OCA2: variants seen among roughly 807,000 people sequenced by gnomAD.
OCA2 encodes the protein P protein.
A neutral mutation model predicts 100.2 loss-of-function variants in OCA2; 77 were observed. The ratio of observed to expected loss-of-function variants is 0.77; its 90% CI spans 0.64 to 0.93. OCA2 has a LOEUF of 0.93. Among genes scored for constraint, OCA2 ranks in the 40% least tolerant of loss-of-function variants. OCA2 has a pLI of 0.00. For synonymous variants in OCA2, 432 were observed against 439.2 expected (o/e 0.98, Z 0.21); for missense variants, 1,062 against 1,089.1 (o/e 0.98, Z 0.35).
chr15:28,081,883 G>A lies in OCA2; in HGVS notation c.-9C>T. 1.9e-6 allele frequency: 3 copies of A among 1,607,784 alleles called. No individual in the cohort carries two copies. The highest frequency in any genetic ancestry group is 2.5e-6 in the Non-Finnish European group (3 of 1,178,420). ...CTGCCCTCCAGATGCATGCTCCACT[G>A]CCAGTCTTCTCTCTAGGGCAGCCAG... On this transcript the variant is annotated 5_prime_UTR_variant, in exon 2 of 24. Coordinates refer to ENST00000354638, the MANE Select transcript of OCA2 (RefSeq NM_000275.3).
the OCA2 span, among the ~76,000 whole-genome samples, chr15:27,720,269 G>A: frequency 6.6e-6 from 1 of 152,008 alleles, no homozygotes; most frequent in South Asian, 2.1e-4. Flanking sequence ...CCATTCATTA[G>A]AATACTACTT....
At chr15:28,098,909 G>C (rs982727586) in intron 1 of OCA2, among the ~76,000 whole-genome samples, 4 of 152,194 alleles carry the variant, frequency 2.6e-5, no homozygotes, top group African/African-American at 9.7e-5. Context: ...AGTTCAAGTG[G>C]AACATTTGCT....
intron 23 of OCA2, among the ~76,000 whole-genome samples, chr15:27,756,718 A>G (rs989224407): frequency 1.3e-5 from 2 of 152,216 alleles, no homozygotes; most frequent in African/African-American, 4.8e-5. Context: ...CAGATTGTGT[A>G]GAGTGAGTCA....
At chr15:27,871,980 T>A (rs2151500914) in intron 19 of OCA2, 58 bp from the exon 20 acceptor site, 5 of 1,280,706 alleles carry the variant, frequency 3.9e-6, no homozygotes, top group South Asian at 1.2e-5. Flanking sequence ...ATGCAAGATT[T>A]AAAAAAAAAG....
chr15:27,775,108 G>GTC (rs1248858832), intron 23 of OCA2, among the ~76,000 whole-genome samples: 6 of 151,140 alleles, frequency 4.0e-5, no homozygotes, highest in African/African-American at 1.2e-4. Flanking sequence ...GTGTGTCTGT[G>GTC]TGTTTGTTAA....
chr15:28,019,769 C>T (rs934067326), intron 6 of OCA2, among the ~76,000 whole-genome samples: 2 of 152,220 alleles, frequency 1.3e-5, no homozygotes, highest in East Asian at 1.9e-4. Flanking sequence ...TCCTACCTCA[C>T]GCCTATACTG....
chr15:27,825,709 T>C (rs2034694555), intron 23 of OCA2, among the ~76,000 whole-genome samples: 1 of 152,158 alleles, frequency 6.6e-6, no homozygotes, highest in Admixed American at 6.5e-5. Context: ...ACCCCACCTT[T>C]GACATCAGTT....
chr15:27,755,409 A>G lies in OCA2; in HGVS notation c.2496T>C (p.His832=), dbSNP rs947269935. 1 of 1,613,532 alleles carries G rather than the reference A, an allele frequency of 6.2e-7. No individual in the cohort carries two copies. Among genetic ancestry groups the G allele is most frequent in the Non-Finnish European group, 8.5e-7 (1 of 1,179,570 alleles). ...TVGMCYLLVA[H]VVVGWN is the part of the protein sequence containing the mutation. ...TCTATTAATTCCATCCCACCACCAC[A>G]TGAGCCACAAGGAGATAACACATCC... The change falls in exon 24 of 24, where the codon CAT becomes CAC. Residue 832 remains histidine (H), a synonymous_variant. Coordinates refer to ENST00000354638, the MANE Select transcript of OCA2 (RefSeq NM_000275.3).
chr15:27,785,613 G>T (rs1177947687), intron 23 of OCA2, among the ~76,000 whole-genome samples: 1 of 152,198 alleles, frequency 6.6e-6, no homozygotes, highest in Non-Finnish European at 1.5e-5. Flanking sequence ...GATGATGTGG[G>T]AAAATTTCAA....
chr15:27,851,937 G>A (rs1307176226), intron 21 of OCA2, among the ~76,000 whole-genome samples: 2 of 152,158 alleles, frequency 1.3e-5, no homozygotes, highest in African/African-American at 4.8e-5. Flanking sequence ...AAGCAATCCA[G>A]CCGGAACTCA....
intron 1 of OCA2, among the ~76,000 whole-genome samples, chr15:28,092,313 G>A (rs1023740575): frequency 6.6e-6 from 1 of 152,152 alleles, no homozygotes; most frequent in African/African-American, 2.4e-5. Flanking sequence ...ATTGATCATG[G>A]TGATGGTCAC....
intron 1 of OCA2, among the ~76,000 whole-genome samples, chr15:28,089,523 C>A (rs1056191890): frequency 6.6e-6 from 1 of 152,116 alleles, no homozygotes; most frequent in African/African-American, 2.4e-5. Flanking sequence ...TCAGCTGGTC[C>A]CTCCATTCGG....
chr15:27,864,548 G>A (rs576468751), intron 21 of OCA2, among the ~76,000 whole-genome samples: 30 of 152,192 alleles, frequency 2.0e-4, no homozygotes, highest in African/African-American at 6.7e-4. Flanking sequence ...GATACCTCCC[G>A]CAGGGCTATG....
intron 19 of OCA2, among the ~76,000 whole-genome samples, chr15:27,886,094 A>G (rs79305496): frequency 0.016 from 2,368 of 152,254 alleles, 54 homozygotes; most frequent in African/African-American, 0.05. Flanking sequence ...AGAGCATCCC[A>G]CGTAGAGGTG....
intron 18 of OCA2, among the ~76,000 whole-genome samples, chr15:27,944,818 G>A (rs891209010): frequency 4.6e-5 from 7 of 152,104 alleles, no homozygotes; most frequent in Non-Finnish European, 8.8e-5. Context: ...TACAACTCCC[G>A]TCTTCCATTT....
At chr15:27,801,623 C>G (rs956995242) in intron 23 of OCA2, among the ~76,000 whole-genome samples, 2 of 145,126 alleles carry the variant, frequency 1.4e-5, no homozygotes, top group African/African-American at 5.2e-5. Context: ...TCCAGAAATG[C>G]AAGGATGATT....
chr15:27,822,176 A>T (rs2034534258), intron 23 of OCA2, among the ~76,000 whole-genome samples: 1 of 152,204 alleles, frequency 6.6e-6, no homozygotes, highest in Admixed American at 6.5e-5. Flanking sequence ...TAGAACCCAG[A>T]GTCCCCTCAT....
At chr15:28,015,299 G>C (rs1354954396) in intron 8 of OCA2, among the ~76,000 whole-genome samples, 1 of 152,206 alleles carries the variant, frequency 6.6e-6, no homozygotes, top group Non-Finnish European at 1.5e-5. Context: ...GTCCCTGAGA[G>C]TGGGGAGACG....
chr15:28,053,524 G>A (rs1190027430), intron 2 of OCA2, among the ~76,000 whole-genome samples: 1 of 152,212 alleles, frequency 6.6e-6, no homozygotes, highest in Non-Finnish European at 1.5e-5. Flanking sequence ...CTGCCCAAGA[G>A]ATGGTCACTG....
Sources: gnomAD v4.1 joint callset for allele counts (sites outside exome capture counted in the v4.1 genomes callset) on GRCh38, gnomAD v4.1.1 for gene constraint, MANE v1.5 for transcripts, NCBI Gene and HGNC (gene_info 2026-07-23, HGNC 2026-07-21) for gene names.